KIF20B: variants seen among roughly 807,000 people sequenced by gnomAD.
The protein encoded by KIF20B is kinesin-like protein KIF20B.
In KIF20B, 188 loss-of-function variants were observed where a neutral mutation model predicts 232.5. The observed-to-expected ratio is 0.81, with a 90% CI of 0.72 to 0.91. KIF20B has a LOEUF of 0.91. Among genes scored for constraint, KIF20B ranks in the 40% least tolerant of loss-of-function variants. The pLI is 0.00. For synonymous variants in KIF20B, 712 were observed against 683.0 expected, an observed-to-expected ratio of 1.04 and a Z score of -0.66; for missense variants, 2,154 against 2,055.9, an observed-to-expected ratio of 1.05 and a Z score of -0.92.
chr10:89,706,457 T>C (rs1043360470), intron 2 of KIF20B, among the ~76,000 whole-genome samples: 1 of 152,098 alleles, frequency 6.6e-6, no homozygotes, highest in African/African-American at 2.4e-5. Context: ...TTTTTTTGTG[T>C]GTGTGTTCTC....
rs747911223 is a variant in KIF20B, at chr10:89,729,212, C to G, written c.2356C>G (p.Leu786Val). Residue 786 changes from leucine (L) to valine (V), a missense_variant, in exon 18 of 33, where the codon CTA becomes GTA. Coordinates refer to ENST00000371728, the MANE Select transcript of KIF20B (RefSeq NM_001284259.2). Reference protein sequence around the residue: ...KEDTINEFQNLKSHMENTFKC... With the variant: ...KEDTINEFQNVKSHMENTFKC... Reference sequence around the variant, plus strand: ...AGATACTATCAACGAATTTCAGAACCTAAAGTCTCATATGGAAAACACATT... The same window carrying G: ...AGATACTATCAACGAATTTCAGAACGTAAAGTCTCATATGGAAAACACATT... 6.7e-7 allele frequency: 1 copy of G among 1,493,144 alleles called. No individual in the cohort carries two copies. Among genetic ancestry groups the G allele is most frequent in the Non-Finnish European group, 9.0e-7 (1 of 1,111,202 alleles). The allele number at this position is 1,493,144 out of a possible 1,614,324, so 92.5% of individuals were successfully genotyped here.
Position 89,723,949 on chromosome 10 carries a change from A to G in KIF20B, c.1723-15A>G. 1 of 1,490,234 alleles carries G rather than the reference A, an allele frequency of 6.7e-7. No individual in the cohort carries two copies. Among genetic ancestry groups the G allele is most frequent in the South Asian group, 1.3e-5 (1 of 75,934 alleles). The allele number at this position is 1,490,234 out of a possible 1,614,324, so 92.3% of individuals were successfully genotyped here. On this transcript the variant is annotated splice_polypyrimidine_tract_variant and intron_variant, in intron 13 of 32. Coordinates refer to ENST00000371728, the MANE Select transcript of KIF20B (RefSeq NM_001284259.2). The stretch of plus-strand genomic sequence containing the variant: ...TTTATTCTTTTATAAGAATTTTATC[A>G]TTTACATGTAATAGAAACTGTTGGA...
At chr10:89,702,076 G>A (rs1842623210) in intron 1 of KIF20B, among the ~76,000 whole-genome samples, 1 of 152,206 alleles carries the variant, frequency 6.6e-6, no homozygotes, top group South Asian at 2.1e-4. Flanking sequence ...CTAAATGTTT[G>A]CAGTTATTAA....
At chr10:89,750,608 A>G (rs1466941312) in intron 23 of KIF20B, among the ~76,000 whole-genome samples, 1 of 152,088 alleles carries the variant, frequency 6.6e-6, no homozygotes, top group Non-Finnish European at 1.5e-5. Context: ...AATAGTTGGT[A>G]AGAGTTCTCT....
chr10:89,717,343 G>A (rs1564659451), intron 9 of KIF20B, 81 bp from the exon 10 acceptor site: 4 of 851,044 alleles, frequency 4.7e-6, no homozygotes, highest in Non-Finnish European at 7.4e-6. Flanking sequence ...GTATAAATAA[G>A]ATTGATTTGA....
rs537125688 is a variant in KIF20B at position 89,728,082 on chromosome 10, C to A, written c.2271+186C>A. ...TTTGGCTTGAGTCTTCTTATTTCAA[C>A]TTGTATTTATCCTTTCAAAAAGCTG... On this transcript the variant is annotated intron_variant, in intron 17 of 32. Coordinates refer to ENST00000371728, the MANE Select transcript of KIF20B (RefSeq NM_001284259.2). 4.1e-4 allele frequency among the ~76,000 whole-genome samples: 63 copies of A among 152,134 alleles called. 1 individual carries two copies. Among genetic ancestry groups the A allele is most frequent in the Non-Finnish European group, 6.9e-4 (47 of 67,976 alleles).
chr10:89,768,748 G>C lies in KIF20B; in HGVS notation c.5102G>C (p.Arg1701Pro). The C allele has an allele frequency of 6.3e-7, 1 of 1,586,924 alleles. No homozygotes were observed. Residue 1701 changes from arginine to proline, a missense_variant, in exon 31 of 33, where the codon CGT (arginine) becomes CCT (proline). By Grantham distance (103) the Arg-to-Pro change is moderately radical. Transcript: ENST00000371728. ...TGTTTTGTTTATTAGGTTGCCATAC[G>C]TCCATCATCTAAGAAAACATATTCT... is the stretch of plus-strand genomic sequence containing the variant. The part of the protein sequence containing the change: ...SVKKEQKVAI[R>P]PSSKKTYSLR...
At chr10:89,708,051 T>C (rs1197504184) in intron 2 of KIF20B, among the ~76,000 whole-genome samples, 10 of 152,180 alleles carry the variant, frequency 6.6e-5, no homozygotes, top group Admixed American at 6.5e-4. Context: ...TGGCTAGTAT[T>C]TTGTGTGGGA....
Position 89,729,188 on chromosome 10 carries a change from G to T in KIF20B, c.2332G>T (p.Asp778Tyr). Reference sequence around the variant, plus strand: ...GATAAATATAATTGATCAAAAAGAAGATACTATCAACGAATTTCAGAACCT... The same window carrying T: ...GATAAATATAATTGATCAAAAAGAATATACTATCAACGAATTTCAGAACCT... ...ELINIIDQKE[D>Y]TINEFQNLKS... The change falls in exon 18 of 33, where the codon GAT becomes TAT. Residue 778 changes from aspartate (D) to tyrosine (Y), a missense_variant. Transcript: ENST00000371728. 2.0e-6 allele frequency: 3 copies of T among 1,480,090 alleles called. No individual in the cohort carries two copies. The highest frequency in any genetic ancestry group is 2.7e-6 in the Non-Finnish European group (3 of 1,101,514). 91.7% of individuals were successfully genotyped at this position (1,480,090 alleles called of 1,614,324 possible).
chr10:89,715,755 C>A (rs1589854383), intron 8 of KIF20B, among the ~76,000 whole-genome samples: 1 of 152,122 alleles, frequency 6.6e-6, no homozygotes, highest in African/African-American at 2.4e-5. Context: ...CTTTGGGAGG[C>A]TGAGGCAGGT....
Position 89,717,392 on chromosome 10 carries a change from TGATAA to T in KIF20B, c.1053-26_1053-22del, listed in dbSNP as rs769901683. On this transcript the variant is annotated intron_variant, in intron 9 of 32. Coordinates refer to ENST00000371728, the MANE Select transcript of KIF20B (RefSeq NM_001284259.2). The stretch of plus-strand genomic sequence containing the variant: ...CTATTTAGAATGCAGAAATTAAAAA[TGATAA>T]GATAACATTTGATCTTTGTATTTCA... 96 of 1,351,122 alleles carry T rather than the reference TGATAA, an allele frequency of 7.1e-5. 1 individual carries two copies. In the South Asian group the frequency reaches 1.1e-3, roughly 15 times the overall value. The allele number at this position is 1,351,122 out of a possible 1,614,324, so 83.7% of individuals were successfully genotyped here. A position where few individuals can be genotyped will look rare whatever the true frequency, so the allele number is the denominator to read the frequency against.
intron 2 of KIF20B, among the ~76,000 whole-genome samples, chr10:89,708,430 C>T (rs1003631830): frequency 2.0e-5 from 3 of 152,096 alleles, no homozygotes; most frequent in Non-Finnish European, 2.9e-5. Flanking sequence ...AGGCTGGTCT[C>T]GAACTCCCGA....
intron 18 of KIF20B, among the ~76,000 whole-genome samples, chr10:89,730,501 G>T (rs1843294963): frequency 6.6e-6 from 1 of 152,106 alleles, no homozygotes; most frequent in African/African-American, 2.4e-5. Context: ...ATACTTTGTG[G>T]AGATGAAAAT....
At chr10:89,767,126 T>C (rs146568877) in intron 29 of KIF20B, among the ~76,000 whole-genome samples, 4 of 151,982 alleles carry the variant, frequency 2.6e-5, no homozygotes, top group African/African-American at 9.6e-5. Flanking sequence ...ACTAAGTACA[T>C]GGGCCCCCAT....
chr10:89,748,915 C>T (rs1841972410), intron 23 of KIF20B, among the ~76,000 whole-genome samples: 1 of 152,036 alleles, frequency 6.6e-6, no homozygotes. Context: ...ATGTTAAAAT[C>T]TGTCAGCATT....
intron 28 of KIF20B, among the ~76,000 whole-genome samples, chr10:89,760,869 C>T (rs987207196): frequency 3.9e-5 from 6 of 152,070 alleles, no homozygotes; most frequent in African/African-American, 1.4e-4. Flanking sequence ...TAGAAACAAA[C>T]TTGATGGTCA....
intron 13 of KIF20B, among the ~76,000 whole-genome samples, chr10:89,721,489 T>C (rs916401758): frequency 3.3e-5 from 5 of 151,962 alleles, no homozygotes; most frequent in East Asian, 1.9e-4. Context: ...CTGGGCAACA[T>C]AGTGAGACCC....
In KIF20B at chr10:89,710,959, A is replaced by G; in HGVS notation, c.491-2A>G. ...AGTATAACACAAAAATTCCTTTTGC[A>G]GGGACAGAAGAAAATATTGGCATTC... On this transcript the variant is annotated splice_acceptor_variant, in intron 5 of 32. Coordinates refer to ENST00000371728, the MANE Select transcript of KIF20B (RefSeq NM_001284259.2). LOFTEE classifies it high-confidence loss of function. The G allele has an allele frequency of 5.0e-6, 8 of 1,600,712 alleles. No homozygotes were observed. The highest frequency in any genetic ancestry group is 6.8e-6 in the Non-Finnish European group (8 of 1,176,254).
At chr10:89,742,125 G>A (rs1054431387) in intron 21 of KIF20B, among the ~76,000 whole-genome samples, 1 of 152,120 alleles carries the variant, frequency 6.6e-6, no homozygotes, top group Non-Finnish European at 1.5e-5. Context: ...GTGAAATTGC[G>A]AAGAAGAAAA....
Sources: gnomAD v4.1 joint callset for allele counts (sites outside exome capture counted in the v4.1 genomes callset) on GRCh38, gnomAD v4.1.1 for gene constraint, MANE v1.5 for transcripts, NCBI Gene and HGNC (gene_info 2026-07-23, HGNC 2026-07-21) for gene names.